Variants in SH3RF3 observed in about 807,000 individuals in gnomAD.
The protein encoded by SH3RF3 is SH3 domain containing ring finger 3.
SH3RF3 carries 29 observed loss-of-function variants against 66.3 expected under a neutral mutation model. The ratio of observed to expected loss-of-function variants is 0.44; its 90% confidence interval spans 0.33 to 0.60. The LOEUF (loss-of-function observed/expected upper bound fraction) is 0.60. Ranked by LOEUF, SH3RF3 falls within the 20% of genes least tolerant of loss-of-function variation. The pLI is 0.04. For synonymous variants in SH3RF3, 583 were observed against 532.0 expected, an observed-to-expected ratio of 1.10 and a Z score of -1.32; for missense variants, 1,194 against 1,190.9, an observed-to-expected ratio of 1.00 and a Z score of -0.04.
At chr2:109,500,305 G>A (rs899299834) in intron 9 of SH3RF3, among the ~76,000 whole-genome samples, 7 of 152,186 alleles carry the variant, frequency 4.6e-5, no homozygotes, top group Admixed American at 1.3e-4. Context: ...CTCTTGGTCA[G>A]TGCCACAGCT....
chr2:109,376,226 G>A (rs1273566195), intron 3 of SH3RF3, among the ~76,000 whole-genome samples: 2 of 152,262 alleles, frequency 1.3e-5, no homozygotes, highest in African/African-American at 4.8e-5. Flanking sequence ...TGGGTTTGAA[G>A]GCAGGGCAGT....
chr2:109,499,196 G>A (rs1679328133), intron 9 of SH3RF3, among the ~76,000 whole-genome samples: 1 of 152,186 alleles, frequency 6.6e-6, no homozygotes, highest in Non-Finnish European at 1.5e-5. Context: ...GGCATCCAGA[G>A]CCGCGGGGGC....
chr2:109,498,337 G>C (rs1300789572), intron 9 of SH3RF3, among the ~76,000 whole-genome samples: 1 of 152,152 alleles, frequency 6.6e-6, no homozygotes, highest in African/African-American at 2.4e-5. Flanking sequence ...GCACCCCCAA[G>C]TCAGCCTCAG....
intron 1 of SH3RF3, among the ~76,000 whole-genome samples, chr2:109,158,411 C>T (rs566702564): frequency 4.6e-5 from 7 of 152,252 alleles, no homozygotes; most frequent in African/African-American, 7.2e-5. Flanking sequence ...GGCTTGCCTT[C>T]GTGGGTCATT....
At chr2:109,444,947 CAGG>C (rs1677666396) in intron 7 of SH3RF3, among the ~76,000 whole-genome samples, 1 of 151,948 alleles carries the variant, frequency 6.6e-6, no homozygotes, top group Non-Finnish European at 1.5e-5. Flanking sequence ...AAAAGAAAAA[CAGG>C]AAGCTATGAA....
At chr2:109,262,823 G>T (rs1680388718) in intron 1 of SH3RF3, among the ~76,000 whole-genome samples, 1 of 151,870 alleles carries the variant, frequency 6.6e-6, no homozygotes, top group South Asian at 2.1e-4. Flanking sequence ...TTTCATACAA[G>T]ACTTTCTTTT....
intron 1 of SH3RF3, among the ~76,000 whole-genome samples, chr2:109,142,471 A>G (rs1459808185): frequency 1.3e-5 from 2 of 152,130 alleles, no homozygotes; most frequent in Non-Finnish European, 2.9e-5. Flanking sequence ...CAGCACCCAC[A>G]CAGGCACCCA....
At chr2:109,180,073 C>T (rs1678040303) in intron 1 of SH3RF3, among the ~76,000 whole-genome samples, 1 of 151,842 alleles carries the variant, frequency 6.6e-6, no homozygotes, top group Non-Finnish European at 1.5e-5. Flanking sequence ...GACCCAGGCA[C>T]AGCTGAACAA....
intron 8 of SH3RF3, among the ~76,000 whole-genome samples, chr2:109,453,540 A>G (rs537483504): frequency 5.9e-5 from 9 of 152,118 alleles, no homozygotes; most frequent in Non-Finnish European, 7.4e-5. Flanking sequence ...GAAGGGTGCA[A>G]TGGGCTGCGT....
chr2:109,293,916 CTT>C (rs1422846885), intron 1 of SH3RF3, among the ~76,000 whole-genome samples: 2 of 152,220 alleles, frequency 1.3e-5, no homozygotes, highest in Non-Finnish European at 2.9e-5. Context: ...AGCCCTGACT[CTT>C]TACCAATGGC....
At chr2:109,212,398 T>A (rs1679007126) in intron 1 of SH3RF3, among the ~76,000 whole-genome samples, 2 of 152,216 alleles carry the variant, frequency 1.3e-5, no homozygotes, top group African/African-American at 4.8e-5. Context: ...AATCCCAACT[T>A]GGACAGTATT....
At chr2:109,500,918 C>G (rs1395491806) in intron 9 of SH3RF3, among the ~76,000 whole-genome samples, 1 of 152,148 alleles carries the variant, frequency 6.6e-6, no homozygotes, top group African/African-American at 2.4e-5. Context: ...CCACGGCACT[C>G]CAGCCTGGGT....
At chr2:109,478,756 G>A (rs1678757570) in intron 8 of SH3RF3, among the ~76,000 whole-genome samples, 2 of 152,278 alleles carry the variant, frequency 1.3e-5, no homozygotes, top group African/African-American at 4.8e-5. Flanking sequence ...CATGCGACGG[G>A]CTTATCATAC....
intron 1 of SH3RF3, among the ~76,000 whole-genome samples, chr2:109,148,356 T>A (rs1350832425): frequency 6.6e-6 from 1 of 152,246 alleles, no homozygotes; most frequent in Non-Finnish European, 1.5e-5. Context: ...TGGTTCTTCA[T>A]GTCACTATGG....
At chr2:109,163,011 G>C (rs1341609205) in intron 1 of SH3RF3, among the ~76,000 whole-genome samples, 1 of 152,168 alleles carries the variant, frequency 6.6e-6, no homozygotes, top group Non-Finnish European at 1.5e-5. Context: ...TGATTTGGAG[G>C]GAAAAGTCCC....
At chr2:109,431,533 C>A (rs930258772) in intron 5 of SH3RF3, among the ~76,000 whole-genome samples, 5 of 152,286 alleles carry the variant, frequency 3.3e-5, no homozygotes, top group Admixed American at 3.3e-4. Context: ...AGAGGCACAG[C>A]ATCTAAACCC....
Position 109,371,570 on chromosome 2 carries a change from G to A in SH3RF3, c.850-16G>A. 1 of 1,612,034 alleles carries A rather than the reference G, an allele frequency of 6.2e-7. No individual in the cohort carries two copies. The highest frequency in any genetic ancestry group is 8.5e-7 in the Non-Finnish European group (1 of 1,178,356). Reference sequence around the variant, plus strand: ...GTGTCCGTATGCTTGTGTCCACGGTGGACCCGGAACTGCAGGACGAGATTC... The same window carrying A: ...GTGTCCGTATGCTTGTGTCCACGGTAGACCCGGAACTGCAGGACGAGATTC... On this transcript the variant is annotated splice_polypyrimidine_tract_variant and intron_variant, in intron 2 of 9. Transcript: ENST00000309415.
At chr2:109,197,293 C>T (rs897329816) in intron 1 of SH3RF3, among the ~76,000 whole-genome samples, 1 of 152,102 alleles carries the variant, frequency 6.6e-6, no homozygotes, top group African/African-American at 2.4e-5. Context: ...CACTTGGCCT[C>T]ATTCTGGGAG....
chr2:109,328,441 C>T (rs761661115), intron 1 of SH3RF3, among the ~76,000 whole-genome samples: 2 of 152,326 alleles, frequency 1.3e-5, no homozygotes, highest in East Asian at 1.9e-4. Flanking sequence ...CTCCCCTGCT[C>T]CTCCATTCCC....
Sources: gnomAD v4.1 joint callset for allele counts (sites outside exome capture counted in the v4.1 genomes callset) on GRCh38, gnomAD v4.1.1 for gene constraint, MANE v1.5 for transcripts, NCBI Gene and HGNC (gene_info 2026-07-23, HGNC 2026-07-21) for gene names.